NVL: variants seen among roughly 807,000 people sequenced by gnomAD.
NVL encodes nuclear VCP like.
A neutral mutation model predicts 110.2 loss-of-function variants in NVL; 84 were observed. That is an observed-to-expected ratio of 0.76 (90% confidence interval 0.64 to 0.91). The LOEUF is 0.91. Ranked by LOEUF, NVL falls within the 40% of genes least tolerant of loss-of-function variation. NVL has a pLI of 0.00. For missense variants in NVL, 882 were observed against 1,035.9 expected (o/e 0.85, Z 2.04); for synonymous variants, 354 against 361.1 (o/e 0.98, Z 0.22).
intron 18 of NVL, among the ~76,000 whole-genome samples, chr1:224,252,718 A>G (rs556958582): frequency 6.6e-6 from 1 of 152,332 alleles, no homozygotes; most frequent in South Asian, 2.1e-4. Context: ...CACTTTCAAT[A>G]TCATACTAGA....
chr1:224,282,320 T>G (rs1002577833), intron 15 of NVL, among the ~76,000 whole-genome samples: 3 of 152,034 alleles, frequency 2.0e-5, no homozygotes, highest in African/African-American at 7.2e-5. Context: ...AGGCTATAAA[T>G]CAAATGGAAA....
At chr1:224,297,969 G>A (rs1380663878) in intron 10 of NVL, among the ~76,000 whole-genome samples, 1 of 150,202 alleles carries the variant, frequency 6.7e-6, no homozygotes, top group Non-Finnish European at 1.5e-5. Context: ...AATTATTTGA[G>A]CCTGGAAGGC....
Position 224,289,466 on chromosome 1 carries a change from T to C in NVL, c.1575+18A>G, listed in dbSNP as rs1667169596. 1 of 1,612,290 alleles carries C rather than the reference T, an allele frequency of 6.2e-7. No individual in the cohort carries two copies. The highest frequency in any genetic ancestry group is 8.5e-7 in the Non-Finnish European group (1 of 1,179,368). On this transcript the variant is annotated intron_variant, in intron 13 of 22. Coordinates refer to ENST00000281701, the MANE Select transcript of NVL (RefSeq NM_002533.4). ...AGAACATTAAAAGGACAATTTAAGG[T>C]GCCTTTAGAGAAAGCACCTGTGTTT...
At chr1:224,265,476 C>G (rs1044178598) in intron 18 of NVL, among the ~76,000 whole-genome samples, 2 of 152,024 alleles carry the variant, frequency 1.3e-5, no homozygotes, top group Admixed American at 6.6e-5. Flanking sequence ...TGCACTCCAG[C>G]CTGGGCAGTA....
intron 18 of NVL, among the ~76,000 whole-genome samples, chr1:224,251,822 A>G (rs1465696717): frequency 6.6e-6 from 1 of 151,904 alleles, no homozygotes; most frequent in Non-Finnish European, 1.5e-5. Context: ...ACCAATTTCC[A>G]TCAAGCATTC....
At chr1:224,314,366 G>A (rs1378228299) in intron 4 of NVL, among the ~76,000 whole-genome samples, 1 of 152,152 alleles carries the variant, frequency 6.6e-6, no homozygotes, top group African/African-American at 2.4e-5. Context: ...AAAAGGCTGA[G>A]CTACAAACAG....
At chr1:224,282,440 C>A (rs563717815) in intron 15 of NVL, among the ~76,000 whole-genome samples, 1 of 152,258 alleles carries the variant, frequency 6.6e-6, no homozygotes, top group South Asian at 2.1e-4. Flanking sequence ...TCTCTGTACT[C>A]AAGAAATACC....
chr1:224,232,953 C>T (rs1023699183), intron 21 of NVL: 10 of 354,076 alleles, frequency 2.8e-5, no homozygotes, highest in African/African-American at 1.5e-4. Context: ...ATGATGAAGA[C>T]AGCGAATGGA....
intron 5 of NVL, among the ~76,000 whole-genome samples, chr1:224,310,821 C>T (rs1669443314): frequency 2.0e-5 from 3 of 151,026 alleles, no homozygotes; most frequent in Admixed American, 6.6e-5. Flanking sequence ...GCCTCAAACT[C>T]CTGGGCTCAA....
At chr1:224,307,948 T>C (rs1669098800) in intron 6 of NVL, 43 bp downstream of exon 6, 1 of 1,499,468 alleles carries the variant, frequency 6.7e-7, no homozygotes, top group Non-Finnish European at 8.9e-7. Flanking sequence ...AAGGTTGAAA[T>C]GTACTTCGAT....
chr1:224,249,601 C>T (rs771239225), intron 19 of NVL, among the ~76,000 whole-genome samples: 7 of 152,094 alleles, frequency 4.6e-5, no homozygotes, highest in Admixed American at 1.3e-4. Context: ...AAAAATTAGC[C>T]GGACGTGGTG....
chr1:224,329,679 C>T (rs921836763), intron 1 of NVL, among the ~76,000 whole-genome samples: 4 of 152,184 alleles, frequency 2.6e-5, no homozygotes, highest in Non-Finnish European at 5.9e-5. Flanking sequence ...CGGAAATTAA[C>T]ATATTATTTA....
chr1:224,303,142 CGTATTATTAT>C, intron 9 of NVL: 1 of 166,582 alleles, frequency 6.0e-6, no homozygotes, highest in South Asian at 1.2e-4. Context: ...TGTTTAAAAC[CGTATTATTAT>C]GGCCGGGTGC....
intron 16 of NVL, among the ~76,000 whole-genome samples, chr1:224,279,965 G>A (rs2102587547): frequency 1.3e-5 from 2 of 152,158 alleles, no homozygotes; most frequent in African/African-American, 2.4e-5. Context: ...GATTACAGGT[G>A]TCGGCCACTG....
At chr1:224,238,559 C>T (rs1045603575) in intron 19 of NVL, among the ~76,000 whole-genome samples, 4 of 152,220 alleles carry the variant, frequency 2.6e-5, no homozygotes, top group Non-Finnish European at 5.9e-5. Context: ...GACATGTTAT[C>T]TACCACAGGT....
chr1:224,235,330 G>A (rs779951895), intron 20 of NVL, among the ~76,000 whole-genome samples: 7 of 151,990 alleles, frequency 4.6e-5, no homozygotes, highest in African/African-American at 9.7e-5. Flanking sequence ...ACCATGCCCG[G>A]CTAATTTTTG....
rs752011815 is a variant in NVL, at chr1:224,236,566, G to A, written c.2306C>T (p.Pro769Leu). The A allele has an allele frequency of 1.9e-6, 3 of 1,613,622 alleles. No individual in the cohort carries two copies. In the South Asian group the frequency reaches 3.3e-5, roughly 18 times the overall value. The stretch of plus-strand genomic sequence containing the variant: ...TTCCAAATTTACATCTGCATCCAGT[G>A]GTGGTTTGGTACCATTCTAAGTAAG... ...KTITKNGTKP[P>L]LDADVNLEAI... Residue 769 changes from proline (P) to leucine (L), a missense_variant, in exon 20 of 23, where the codon CCA (proline) becomes CTA (leucine). Pro to Leu is a moderately conservative substitution (Grantham distance 98, BLOSUM62 -3). Coordinates refer to ENST00000281701, the MANE Select transcript of NVL (RefSeq NM_002533.4).
chr1:224,254,339 C>T (rs1167635389), intron 18 of NVL, among the ~76,000 whole-genome samples: 3 of 150,076 alleles, frequency 2.0e-5, no homozygotes, highest in Non-Finnish European at 3.0e-5. Context: ...GATCCACCTG[C>T]CTTGGCCTCC....
intron 2 of NVL, among the ~76,000 whole-genome samples, chr1:224,324,859 A>T (rs1670987719): frequency 6.6e-6 from 1 of 152,372 alleles, no homozygotes; most frequent in Non-Finnish European, 1.5e-5. Context: ...GCCACAGGAC[A>T]GAGTCCAATA....
Sources: gnomAD v4.1 joint callset for allele counts (sites outside exome capture counted in the v4.1 genomes callset) on GRCh38, gnomAD v4.1.1 for gene constraint, MANE v1.5 for transcripts, NCBI Gene and HGNC (gene_info 2026-07-23, HGNC 2026-07-21) for gene names.